The following SHISA9 variants were observed in gnomAD, a reference collection of about 807,000 sequenced individuals.
SHISA9 encodes protein shisa-9.
SHISA9 carries 13 observed loss-of-function variants against 38.0 expected under a neutral mutation model. The observed-to-expected ratio is 0.34, with a 90% CI of 0.22 to 0.54. SHISA9 has a LOEUF of 0.54. Among genes scored for constraint, SHISA9 ranks in the 20% least tolerant of loss-of-function variants. The pLI is 0.91. For synonymous variants in SHISA9, 275 were observed against 242.0 expected (o/e 1.14, Z -1.27); for missense variants, 538 against 575.8 (o/e 0.93, Z 0.67).
chr16:12,912,304 G>A (rs1234736071), intron 1 of SHISA9, among the ~76,000 whole-genome samples: 1 of 152,090 alleles, frequency 6.6e-6, no homozygotes, highest in African/African-American at 2.4e-5. Flanking sequence ...TTGGACTTTG[G>A]GGCTGAAATT....
chr16:13,396,537 G>A, the SHISA9 span, among the ~76,000 whole-genome samples: 1 of 152,172 alleles, frequency 6.6e-6, no homozygotes, highest in Non-Finnish European at 1.5e-5. Context: ...AGGGCTCATG[G>A]CATAACCTGG....
intron 2 of SHISA9, among the ~76,000 whole-genome samples, chr16:13,087,437 C>A (rs2073725683): frequency 6.6e-6 from 1 of 151,678 alleles, no homozygotes; most frequent in Admixed American, 6.6e-5. Context: ...TTTACACTCC[C>A]ACCAGCAGTG....
chr16:13,019,884 C>CTTCT (rs1166778591), intron 2 of SHISA9, among the ~76,000 whole-genome samples: 129 of 20,812 alleles, frequency 6.2e-3, no homozygotes, highest in Middle Eastern at 0.031. Flanking sequence ...CCCTCCCTCC[C>CTTCT]TTCTTTCTTT....
chr16:13,320,790 T>C, the SHISA9 span, among the ~76,000 whole-genome samples: 9 of 152,226 alleles, frequency 5.9e-5, no homozygotes, highest in African/African-American at 1.9e-4. Flanking sequence ...AGTTTCCTCT[T>C]CACAGCTGGA....
At chr16:13,226,776 G>T (rs2051283620) in intron 4 of SHISA9, among the ~76,000 whole-genome samples, 1 of 152,220 alleles carries the variant, frequency 6.6e-6, no homozygotes, top group Non-Finnish European at 1.5e-5. Flanking sequence ...TTAGCAGTTG[G>T]TTAGTTGTGT....
the SHISA9 span, among the ~76,000 whole-genome samples, chr16:13,440,870 T>C: frequency 6.7e-6 from 1 of 149,966 alleles, no homozygotes; most frequent in East Asian, 2.0e-4. Flanking sequence ...TGCAGTGAGC[T>C]GAGATCGTGC....
chr16:13,105,549 A>G lies in SHISA9; in HGVS notation c.692-97845A>G, dbSNP rs142906004. Among the ~76,000 whole-genome samples the G allele has an allele frequency of 3.2e-3, 493 of 152,342 alleles. 1 individual carries two copies. The highest frequency in any genetic ancestry group is 0.011 in the African/African-American group (462 of 41,572). ...CCATGGGGCTTCCCGCAGCCTCCCA[A>G]TTAGACTGGTTGTGGGGAGACTCCG... On this transcript the variant is annotated intron_variant, in intron 2 of 4. Transcript: ENST00000558583.
At chr16:13,406,982 C>A in the SHISA9 span, among the ~76,000 whole-genome samples, 1 of 143,846 alleles carries the variant, frequency 7.0e-6, no homozygotes, top group Non-Finnish European at 1.5e-5. Context: ...GCAGAAGAAT[C>A]GCTTGAATCT....
At chr16:13,478,928 T>C in the SHISA9 span, among the ~76,000 whole-genome samples, 1 of 152,218 alleles carries the variant, frequency 6.6e-6, no homozygotes, top group Non-Finnish European at 1.5e-5. Flanking sequence ...ATTGTATTAG[T>C]GTCCTATTGC....
At chr16:13,098,485 C>G (rs573746583) in intron 2 of SHISA9, among the ~76,000 whole-genome samples, 46 of 152,266 alleles carry the variant, frequency 3.0e-4, no homozygotes, top group African/African-American at 1.1e-3. Context: ...CTGTGTTTTC[C>G]CTCTTGCCTT....
At chr16:13,105,405 T>C (rs538163989) in intron 2 of SHISA9, among the ~76,000 whole-genome samples, 33 of 152,312 alleles carry the variant, frequency 2.2e-4, no homozygotes, top group African/African-American at 7.9e-4. Context: ...TCACCCTCCC[T>C]CCCACTTGCT....
chr16:13,026,291 C>T (rs983956431), intron 2 of SHISA9, among the ~76,000 whole-genome samples: 6 of 152,170 alleles, frequency 3.9e-5, no homozygotes, highest in East Asian at 3.8e-4. Flanking sequence ...AGTTTGATGA[C>T]GTTAGAGTCC....
chr16:13,346,235 T>C, the SHISA9 span, among the ~76,000 whole-genome samples: 1 of 152,176 alleles, frequency 6.6e-6, no homozygotes, highest in Non-Finnish European at 1.5e-5. Context: ...TGTTTCTGAG[T>C]TATTTCACTG....
the SHISA9 span, among the ~76,000 whole-genome samples, chr16:13,413,682 GGAAGGC>G: frequency 6.9e-6 from 1 of 143,902 alleles, no homozygotes; most frequent in Non-Finnish European, 1.5e-5. Context: ...GCTAGAACCT[GGAAGGC>G]GAAGGTTTGC....
intron 3 of SHISA9, among the ~76,000 whole-genome samples, chr16:13,204,643 C>A (rs549579218): frequency 6.6e-6 from 1 of 152,212 alleles, no homozygotes; most frequent in African/African-American, 2.4e-5. Context: ...TAAGTATTTA[C>A]GGGAGTGGGC....
At chr16:13,372,584 G>C in the SHISA9 span, among the ~76,000 whole-genome samples, 4 of 152,184 alleles carry the variant, frequency 2.6e-5, no homozygotes, top group East Asian at 7.7e-4. Context: ...TGAGACATTT[G>C]AGACCACAGA....
intron 2 of SHISA9, among the ~76,000 whole-genome samples, chr16:12,974,875 A>G (rs2072135757): frequency 6.6e-6 from 1 of 152,118 alleles, no homozygotes; most frequent in African/African-American, 2.4e-5. Context: ...CTATAACTCT[A>G]TATTTATCTG....
chr16:12,942,262 T>G (rs1293913616), intron 2 of SHISA9, among the ~76,000 whole-genome samples: 1 of 152,114 alleles, frequency 6.6e-6, no homozygotes, highest in African/African-American at 2.4e-5. Context: ...AGTGGAACCT[T>G]CAGAAGTTGG....
At chr16:13,118,730 C>CTTTTTTTTTTTT (rs34471353) in intron 2 of SHISA9, among the ~76,000 whole-genome samples, 2 of 130,778 alleles carry the variant, frequency 1.5e-5, no homozygotes, top group African/African-American at 2.9e-5. Flanking sequence ...TTTCTTTTTT[C>CTTTTTTTTTTTT]TTTTTTTTTT....
Sources: gnomAD v4.1 joint callset for allele counts (sites outside exome capture counted in the v4.1 genomes callset) on GRCh38, gnomAD v4.1.1 for gene constraint, MANE v1.5 for transcripts, NCBI Gene and HGNC (gene_info 2026-07-23, HGNC 2026-07-21) for gene names.